The following LOC128462377 variants were observed in gnomAD, a reference collection of about 807,000 sequenced individuals.
At chr16:89,362,254 C>T in the LOC128462377 span, among the ~76,000 whole-genome samples, 6 of 152,214 alleles carry the variant, frequency 3.9e-5, no homozygotes, top group Non-Finnish European at 8.8e-5. Context: ...ATATGCTTTT[C>T]GGGATCTCAG....
the LOC128462377 span, among the ~76,000 whole-genome samples, chr16:89,359,006 G>C: frequency 6.6e-6 from 1 of 151,964 alleles, no homozygotes; most frequent in Non-Finnish European, 1.5e-5. Context: ...TCTATTTTTT[G>C]TAAAGACAAG....
chr16:89,345,294 G>A, the LOC128462377 span, among the ~76,000 whole-genome samples: 6 of 115,420 alleles, frequency 5.2e-5, no homozygotes, highest in South Asian at 3.0e-4. Context: ...GACCCATCAC[G>A]ACAAACGGAT....
the LOC128462377 span, among the ~76,000 whole-genome samples, chr16:89,415,126 T>C: frequency 6.6e-6 from 1 of 151,654 alleles, no homozygotes; most frequent in African/African-American, 2.4e-5. Flanking sequence ...GCTCATTTTT[T>C]TATTTTTTGT....
the LOC128462377 span, among the ~76,000 whole-genome samples, chr16:89,385,337 C>T: frequency 2.6e-5 from 4 of 152,126 alleles, no homozygotes; most frequent in Middle Eastern, 3.4e-3. Flanking sequence ...CCATGTTGGC[C>T]GGGCTGGTCT....
the LOC128462377 span, among the ~76,000 whole-genome samples, chr16:89,407,587 G>A: frequency 3.9e-5 from 6 of 152,324 alleles, no homozygotes; most frequent in East Asian, 1.9e-4. Flanking sequence ...TTGGGAGGCC[G>A]AGGCAGGTGG....
chr16:89,330,611 G>A, the LOC128462377 span, among the ~76,000 whole-genome samples: 1 of 147,016 alleles, frequency 6.8e-6, no homozygotes, highest in African/African-American at 2.5e-5. Flanking sequence ...AAGGGGCTGC[G>A]TGAGGGTCCT....
chr16:89,404,749 C>G, the LOC128462377 span, among the ~76,000 whole-genome samples: 7 of 152,272 alleles, frequency 4.6e-5, no homozygotes, highest in Non-Finnish European at 8.8e-5. Context: ...ACAGGCCCAG[C>G]TGGCCATGTG....
At chr16:89,406,411 C>A in the LOC128462377 span, among the ~76,000 whole-genome samples, 6 of 152,348 alleles carry the variant, frequency 3.9e-5, no homozygotes, top group African/African-American at 1.4e-4. Flanking sequence ...CGCTCTGAGA[C>A]TTGCGGTCAG....
the LOC128462377 span, chr16:89,370,525 C>CTGGA: frequency 6.6e-6 from 1 of 152,442 alleles, no homozygotes; most frequent in South Asian, 2.1e-4. Flanking sequence ...AGACCAGAGG[C>CTGGA]TGGAGCACAC....
the LOC128462377 span, among the ~76,000 whole-genome samples, chr16:89,409,439 G>A: frequency 2.6e-5 from 4 of 152,308 alleles, no homozygotes; most frequent in African/African-American, 9.6e-5. Flanking sequence ...CCTGTGGGTC[G>A]TCTTGTGCAC....
chr16:89,398,050 T>C, the LOC128462377 span, among the ~76,000 whole-genome samples: 1 of 152,256 alleles, frequency 6.6e-6, no homozygotes, highest in Non-Finnish European at 1.5e-5. Flanking sequence ...AATTAAATTG[T>C]GTTTGGAGAA....
At chr16:89,384,879 C>CTTTCTTTTTTTTTTTTT in the LOC128462377 span, among the ~76,000 whole-genome samples, 1 of 49,910 alleles carries the variant, frequency 2.0e-5, no homozygotes, top group African/African-American at 7.9e-5. Context: ...AAATAGTTTT[C>CTTTCTTTTTTTTTTTTT]TTTTTTTTTT....
the LOC128462377 span, chr16:89,324,407 T>C: frequency 5.6e-6 from 3 of 532,534 alleles, no homozygotes; most frequent in African/African-American, 1.9e-5. Context: ...TCGTTAGTCA[T>C]CAAGAAAATG....
the LOC128462377 span, among the ~76,000 whole-genome samples, chr16:89,372,231 G>T: frequency 6.4e-3 from 978 of 152,356 alleles, 17 homozygotes; most frequent in African/African-American, 0.023. Context: ...CAGAGCTGGG[G>T]AAAGAGCCAC....
the LOC128462377 span, among the ~76,000 whole-genome samples, chr16:89,347,122 G>A: frequency 2.6e-5 from 4 of 152,164 alleles, no homozygotes; most frequent in African/African-American, 7.2e-5. Flanking sequence ...GGTGTCTCTC[G>A]TTGGTCCGGG....
the LOC128462377 span, among the ~76,000 whole-genome samples, chr16:89,402,173 G>A: frequency 6.6e-6 from 1 of 152,258 alleles, no homozygotes; most frequent in Admixed American, 6.5e-5. Context: ...TAAGGAGGAC[G>A]ACCTACAGTT....
chr16:89,353,082 G>A, the LOC128462377 span, among the ~76,000 whole-genome samples: 1 of 152,220 alleles, frequency 6.6e-6, no homozygotes, highest in Non-Finnish European at 1.5e-5. Flanking sequence ...GCTCACGCCT[G>A]TAATTAATCC....
At chr16:89,374,740 C>T in the LOC128462377 span, among the ~76,000 whole-genome samples, 1 of 152,214 alleles carries the variant, frequency 6.6e-6, no homozygotes, top group Non-Finnish European at 1.5e-5. Flanking sequence ...GGAACTAAAA[C>T]ATGCCAGCTG....
chr16:89,371,891 C>T, the LOC128462377 span, among the ~76,000 whole-genome samples: 6 of 152,210 alleles, frequency 3.9e-5, no homozygotes, highest in Admixed American at 3.9e-4. Flanking sequence ...CGTGTGACTC[C>T]ACTGGCATCA....
Sources: allele counts gnomAD v4.1 joint callset (sites outside exome capture counted in the v4.1 genomes callset), GRCh38; gene constraint gnomAD v4.1.1; transcripts MANE v1.5.